Variants in TTYH3 observed in about 807,000 individuals in gnomAD.
TTYH3 encodes the protein protein tweety homolog 3.
TTYH3 carries 23 observed loss-of-function variants against 68.2 expected under a neutral mutation model. The ratio of observed to expected loss-of-function variants is 0.34; its 90% CI spans 0.24 to 0.48. The LOEUF is 0.48. Ranked by LOEUF, TTYH3 falls within the 20% of genes least tolerant of loss-of-function variation. The pLI is 0.99. For missense variants in TTYH3, 768 were observed against 727.7 expected, an observed-to-expected ratio of 1.06 and a Z score of -0.64; for synonymous variants, 360 against 332.8, an observed-to-expected ratio of 1.08 and a Z score of -0.89.
chr7:2,653,942 C>T (rs1245842481), intron 9 of TTYH3, among the ~76,000 whole-genome samples: 8 of 152,178 alleles, frequency 5.3e-5, no homozygotes, highest in African/African-American at 1.9e-4. Context: ...GTGTTTGGTC[C>T]ACCCGTGGGG....
chr7:2,652,972 C>G lies in TTYH3; in HGVS notation c.982C>G (p.Leu328Val), dbSNP rs760057912. 7.0e-6 allele frequency: 11 copies of G among 1,575,862 alleles called. No individual in the cohort carries two copies. The highest frequency in any genetic ancestry group is 9.5e-6 in the Non-Finnish European group (11 of 1,161,330). ...GGAGATGCAGGATGTCGTGGCTGAG[C>G]TTCTGAGGACCGTCCCCTGGGAGCA... The part of the protein sequence containing the change: ...LVEMQDVVAE[L>V]LRTVPWEQPA... The change falls in exon 9 of 14, where the codon CTT becomes GTT. Residue 328 changes from leucine (L) to valine (V), a missense_variant. Transcript: ENST00000258796.
intron 1 of TTYH3, among the ~76,000 whole-genome samples, chr7:2,643,093 C>T (rs150592994): frequency 1.1e-4 from 16 of 151,728 alleles, no homozygotes; most frequent in Non-Finnish European, 2.2e-4. Context: ...CGGTGGTTCA[C>T]GCCTGTAATC....
rs75180194 is a variant in TTYH3 at position 2,645,549 on chromosome 7, C to T, written c.124-1304C>T. ...TGGTCTGTCTTTTGTGTTCAGAGAC[C>T]TGGGGAGAGCCACACTGGAAGGCCG... On this transcript the variant is annotated intron_variant, in intron 1 of 13. Transcript: ENST00000258796. This position sits in a 1 kb window ranked among gnomAD's most constrained non-coding sequence, Gnocchi z 4.8. 671 of 317,568 alleles carry T rather than the reference C, an allele frequency of 2.1e-3. 3 individuals are homozygous for T. The highest frequency in any genetic ancestry group is 0.014 in the African/African-American group (626 of 46,178). The allele number at this position is 317,568 out of a possible 1,614,324, so 19.7% of individuals were successfully genotyped here. A position where few individuals can be genotyped will look rare whatever the true frequency, so the allele number is the denominator to read the frequency against.
At chr7:2,640,714 G>A (rs532117591) in intron 1 of TTYH3, among the ~76,000 whole-genome samples, 183 of 152,358 alleles carry the variant, frequency 1.2e-3, no homozygotes, top group African/African-American at 4.2e-3. Context: ...GAGGCAGAGT[G>A]GGCATGGCCA....
At chr7:2,641,937 G>C (rs924310967) in intron 1 of TTYH3, among the ~76,000 whole-genome samples, 23 of 152,228 alleles carry the variant, frequency 1.5e-4, no homozygotes, top group African/African-American at 5.5e-4. Flanking sequence ...GCTGGGACCC[G>C]GGCAGCCCAA....
chr7:2,644,957 G>T (rs989177693), intron 1 of TTYH3, among the ~76,000 whole-genome samples: 15 of 152,228 alleles, frequency 9.9e-5, no homozygotes, highest in Non-Finnish European at 1.8e-4. Flanking sequence ...CCAGGCAGGG[G>T]ACCATCTGCC....
chr7:2,653,635 G>A (rs1263725391), intron 9 of TTYH3, among the ~76,000 whole-genome samples: 1 of 152,222 alleles, frequency 6.6e-6, no homozygotes, highest in East Asian at 1.9e-4. Flanking sequence ...GGCCGAGGTG[G>A]GTGAATCACT....
chr7:2,646,568 G>A (rs1420634349), intron 1 of TTYH3, among the ~76,000 whole-genome samples: 3 of 152,214 alleles, frequency 2.0e-5, no homozygotes, highest in Non-Finnish European at 4.4e-5. Flanking sequence ...GCCTGGAGTC[G>A]GTTCACCCGG....
intron 13 of TTYH3, chr7:2,660,256 T>A: frequency 8.1e-6 from 8 of 985,348 alleles, no homozygotes; most frequent in Non-Finnish European, 9.6e-6. Context: ...CAAGTCCCCT[T>A]CCAGGCTCCC....
intron 7 of TTYH3, among the ~76,000 whole-genome samples, chr7:2,651,809 C>T (rs1786184512): frequency 6.6e-6 from 1 of 152,144 alleles, no homozygotes; most frequent in South Asian, 2.1e-4. Context: ...AGGTGGAACC[C>T]AGGCAAGGGG....
intron 3 of TTYH3, 38 bp downstream of exon 3, chr7:2,647,291 C>G (rs1786022171): frequency 6.5e-7 from 1 of 1,540,076 alleles, no homozygotes. Flanking sequence ...AGCACTCTTG[C>G]TGCTCCGGAG....
rs762617686 is a variant in TTYH3 at position 2,652,192 on chromosome 7, C to T, written c.877C>T (p.Leu293=). ...TCCCTGATGTCTCTCCGCAGACATC[C>T]TGCAGTACTACCTGGCCTGCTCGCC... The part of the protein sequence containing the change: ...EEYSVLSGDI[L]QYYLACSPRA... Residue 293 remains leucine, a synonymous_variant, in exon 8 of 14, where the codon CTG becomes TTG. Coordinates refer to ENST00000258796, the MANE Select transcript of TTYH3 (RefSeq NM_025250.3). The T allele has an allele frequency of 6.2e-7, 1 of 1,613,316 alleles. No individual in the cohort carries two copies.
intron 13 of TTYH3, chr7:2,660,092 G>C (rs1443864099): frequency 1.6e-6 from 2 of 1,280,100 alleles, no homozygotes; most frequent in Admixed American, 4.7e-5. Context: ...TGCGCCTCCC[G>C]CCTCCACCCT....
In TTYH3 at chr7:2,645,869, G is replaced by GA. The variant is rs757811250; in HGVS notation, c.124-983dup. ...CCTCAGGACTACAGCTGGGGTGGGG[G>GA]ATCCTGCCAGGACTCAGGTAGGAGA... On this transcript the variant is annotated intron_variant, in intron 1 of 13. Coordinates refer to ENST00000258796, the MANE Select transcript of TTYH3 (RefSeq NM_025250.3). This position sits in a 1 kb window ranked among gnomAD's most constrained non-coding sequence, Gnocchi z 4.8. The GA allele has an allele frequency of 1.3e-5, 6 of 470,778 alleles. No homozygotes were observed. Among genetic ancestry groups the GA allele is most frequent in the South Asian group, 4.6e-5 (3 of 64,546 alleles). The allele number at this position is 470,778 out of a possible 1,614,324, so 29.2% of individuals were successfully genotyped here. A position where few individuals can be genotyped will look rare whatever the true frequency, so the allele number is the denominator to read the frequency against.
chr7:2,659,574 G>A (rs1379320828), intron 13 of TTYH3, among the ~76,000 whole-genome samples: 1 of 152,182 alleles, frequency 6.6e-6, no homozygotes, highest in Non-Finnish European at 1.5e-5. Context: ...GACTTCCCGC[G>A]TAAGACACAG....
intron 7 of TTYH3, among the ~76,000 whole-genome samples, chr7:2,651,380 G>A (rs73281118): frequency 0.019 from 2,919 of 152,198 alleles, 83 homozygotes; most frequent in African/African-American, 0.066. Flanking sequence ...GTCATCTGCC[G>A]CCCACTGACC....
Position 2,661,936 on chromosome 7 carries a change from C to A in TTYH3, c.*197C>A. On this transcript the variant is annotated 3_prime_UTR_variant, in exon 14 of 14. Transcript: ENST00000258796. ...CGCAGGGGCTCTGGGCCCGTACCGCCAACTCGGGTCACACCTGAACGCTGC... is the reference window on the plus strand; with the variant it reads ...CGCAGGGGCTCTGGGCCCGTACCGCAAACTCGGGTCACACCTGAACGCTGC... The A allele has an allele frequency of 1.6e-6, 1 of 635,702 alleles. No homozygotes were observed. Among genetic ancestry groups the A allele is most frequent in the Non-Finnish European group, 2.8e-6 (1 of 361,362 alleles). The allele number at this position is 635,702 out of a possible 1,614,324, so 39.4% of individuals were successfully genotyped here. A position where few individuals can be genotyped will look rare whatever the true frequency, so the allele number is the denominator to read the frequency against.
Position 2,661,960 on chromosome 7 carries a change from G to A in TTYH3, c.*221G>A. 1.6e-6 allele frequency: 1 copy of A among 607,608 alleles called. No homozygotes were observed. The highest frequency in any genetic ancestry group is 2.9e-6 in the Non-Finnish European group (1 of 342,364). The allele number at this position is 607,608 out of a possible 1,614,324, so 37.6% of individuals were successfully genotyped here. A position where few individuals can be genotyped will look rare whatever the true frequency, so the allele number is the denominator to read the frequency against. On this transcript the variant is annotated 3_prime_UTR_variant, in exon 14 of 14. Coordinates refer to ENST00000258796, the MANE Select transcript of TTYH3 (RefSeq NM_025250.3). The stretch of plus-strand genomic sequence containing the variant: ...CCAACTCGGGTCACACCTGAACGCT[G>A]CTGCCAGCCGATGCCCCAGCCCTGC...
intron 1 of TTYH3, among the ~76,000 whole-genome samples, chr7:2,646,393 A>T (rs2114984512): frequency 6.6e-6 from 1 of 152,328 alleles, no homozygotes; most frequent in South Asian, 2.1e-4. Flanking sequence ...GTGGCTGCAA[A>T]GATGGTGGCT....
Sources: allele counts gnomAD v4.1 joint callset (sites outside exome capture counted in the v4.1 genomes callset), GRCh38; gene constraint gnomAD v4.1.1; non-coding constraint Gnocchi (gnomAD v3.1); transcripts MANE v1.5; gene names NCBI Gene and HGNC (gene_info 2026-07-23, HGNC 2026-07-21).